TNMD: variants seen among roughly 807,000 people sequenced by gnomAD.
TNMD encodes tenomodulin, also known as BRICHOS domain containing 4.
TNMD carries 15 observed loss-of-function variants against 26.9 expected under a neutral mutation model. The observed-to-expected ratio is 0.56, with a 90% CI of 0.37 to 0.86. The LOEUF (loss-of-function observed/expected upper bound fraction) is 0.86, where lower values mean the gene tolerates loss of function less well. Among genes scored for constraint, TNMD ranks in the 40% least tolerant of loss-of-function variants. The pLI is 0.00. For missense variants in TNMD, 222 were observed against 242.6 expected (o/e 0.92, Z 0.56); for synonymous variants, 73 against 77.0 (o/e 0.95, Z 0.27).
chrX:100,599,229 C>A, intron 6 of TNMD, 47 bp downstream of exon 6: 1 of 1,021,161 alleles, frequency 9.8e-7, no homozygotes, highest in Non-Finnish European at 1.3e-6. Flanking sequence ...AAAAAAGAGC[C>A]CTCACAAAAC....
In TNMD at chrX:100,594,023, C is replaced by T. The variant is rs769192135; in HGVS notation, c.309C>T (p.His103=). The change falls in exon 3 of 7, where the codon CAC becomes CAT. Residue 103 remains histidine (H), a synonymous_variant. Coordinates refer to ENST00000373031, the MANE Select transcript of TNMD (RefSeq NM_022144.3). The part of the protein sequence containing the change: ...GNGTDETLEV[H]DFKNGYTGIY... Reference sequence around the variant, plus strand: ...GCACTGATGAAACATTGGAAGTGCACGACTTTAAAAACGTAAGTTGGATGT... The same window carrying T: ...GCACTGATGAAACATTGGAAGTGCATGACTTTAAAAACGTAAGTTGGATGT... 23 of 1,206,554 alleles carry T rather than the reference C, an allele frequency of 1.9e-5. No individual in the cohort carries two copies. Among genetic ancestry groups the T allele is most frequent in the South Asian group, 3.6e-5 (2 of 56,195 alleles).
At chrX:100,592,171 C>G (rs967730161) in intron 2 of TNMD, among the ~76,000 whole-genome samples, 1 of 111,791 alleles carries the variant, frequency 8.9e-6, no homozygotes, top group Non-Finnish European at 1.9e-5. Context: ...TAACAAAATT[C>G]CCCCGTTGGG....
chrX:100,599,614 T>C lies in TNMD; in HGVS notation c.851T>C (p.Leu284Pro). ...RYCRRVCEPL[L>P]GYYPYPYCYQ... ...TGCCGCCGCGTCTGTGAACCTTTAC[T>C]AGGCTACTACCCATATCCATACTGC... Residue 284 changes from leucine (L) to proline (P), a missense_variant, in exon 7 of 7, where the codon CTA becomes CCA. By Grantham distance (98) the Leu-to-Pro change is moderately conservative. Coordinates refer to ENST00000373031, the MANE Select transcript of TNMD (RefSeq NM_022144.3). 4 of 1,211,677 alleles carry C rather than the reference T, an allele frequency of 3.3e-6. No individual in the cohort carries two copies. The highest frequency in any genetic ancestry group is 3.0e-5 in the East Asian group (1 of 33,835).
intron 6 of TNMD, 64 bp downstream of exon 6, chrX:100,599,246 C>A (rs2082961628): frequency 1.1e-6 from 1 of 921,757 alleles, no homozygotes; most frequent in Non-Finnish European, 1.5e-6. Flanking sequence ...AAACTTACTA[C>A]CCCTCAGATC....
At chrX:100,594,491 TATC>T (rs1284093702) in intron 4 of TNMD, 129 bp downstream of exon 4, 11 of 389,694 alleles carry the variant, frequency 2.8e-5, no homozygotes, top group African/African-American at 2.6e-4. Flanking sequence ...ATACTATTGT[TATC>T]ATCATTTTCA....
At chrX:100,585,505 G>C in intron 2 of TNMD, 143 bp downstream of exon 2, 1 of 706,723 alleles carries the variant, frequency 1.4e-6, no homozygotes, top group Non-Finnish European at 2.0e-6. Flanking sequence ...ACTGAATCAA[G>C]ATTTTTCTCT....
intron 2 of TNMD, chrX:100,593,568 G>A (rs771303844): frequency 1.1e-4 from 21 of 183,112 alleles, no homozygotes; most frequent in Non-Finnish European, 1.6e-4. Context: ...TTTCACGGGT[G>A]AGGGGCGGGG....
chrX:100,589,114 C>T (rs1017433768), intron 2 of TNMD, among the ~76,000 whole-genome samples: 1 of 111,041 alleles, frequency 9.0e-6, no homozygotes, highest in African/African-American at 3.3e-5. Context: ...ACATTTTGTG[C>T]GTGCCTATTT....
At chrX:100,598,286 A>G (rs1455660349) in intron 5 of TNMD, among the ~76,000 whole-genome samples, 1 of 111,224 alleles carries the variant, frequency 9.0e-6, no homozygotes, top group Non-Finnish European at 1.9e-5. Flanking sequence ...AGATTACTCT[A>G]TTACCCAAGA....
Position 100,594,326 on chromosome X carries a change from T to C in TNMD, c.387T>C (p.Ile129=). 8.4e-7 allele frequency: 1 copy of C among 1,195,545 alleles called. No homozygotes were observed. The highest frequency in any genetic ancestry group is 1.1e-6 in the Non-Finnish European group (1 of 885,354). Residue 129 remains isoleucine, a synonymous_variant, in exon 4 of 7, where the codon ATT becomes ATC. Transcript: ENST00000373031. ...KCFIKTQIKV[I]PEFSEPEEEI... ...TTATCAAAACTCAGATTAAAGTGAT[T>C]CCTGAATTTTCTGAACCAGAAGAGG...
In TNMD at chrX:100,599,565, T is replaced by A; in HGVS notation, c.802T>A (p.Tyr268Asn). ...GGATGAGAGAGGTTATTGTTGTATTTACTGCCGTCGAGGCAACCGCTATTG... is the reference window on the plus strand; with the variant it reads ...GGATGAGAGAGGTTATTGTTGTATTAACTGCCGTCGAGGCAACCGCTATTG... ...MLDERGYCCI[Y>N]CRRGNRYCRR... Residue 268 changes from tyrosine (Y) to asparagine (N), a missense_variant, in exon 7 of 7, where the codon TAC (tyrosine) becomes AAC (asparagine). Transcript: ENST00000373031. 1 of 1,210,598 alleles carries A rather than the reference T, an allele frequency of 8.3e-7. No individual in the cohort carries two copies. Among genetic ancestry groups the A allele is most frequent in the Middle Eastern group, 2.3e-4 (1 of 4,352 alleles).
chrX:100,592,720 T>C (rs1326553355), intron 2 of TNMD, among the ~76,000 whole-genome samples: 1 of 112,385 alleles, frequency 8.9e-6, no homozygotes, highest in Non-Finnish European at 1.9e-5. Context: ...TAAACTAACA[T>C]TCAGTCAATG....
chrX:100,596,417 A>T (rs747234135), intron 4 of TNMD, among the ~76,000 whole-genome samples: 2 of 112,274 alleles, frequency 1.8e-5, no homozygotes, highest in Non-Finnish European at 3.8e-5. Flanking sequence ...AGTTAATTTC[A>T]CCAAATATTT....
intron 4 of TNMD, among the ~76,000 whole-genome samples, chrX:100,596,042 G>A (rs956593071): frequency 4.4e-5 from 5 of 112,718 alleles, no homozygotes; most frequent in Non-Finnish European, 7.5e-5. Context: ...AGGCAAAGGA[G>A]GCGGGGCACG....
chrX:100,587,553 G>A (rs927839676), intron 2 of TNMD, among the ~76,000 whole-genome samples: 3 of 111,910 alleles, frequency 2.7e-5, no homozygotes, highest in Non-Finnish European at 5.7e-5. Flanking sequence ...TTCCATTCCA[G>A]TGGGGAGTTA....
Position 100,599,593 on chromosome X carries a change from G to A in TNMD, c.830G>A (p.Arg277His), listed in dbSNP as rs1419459431. The A allele has an allele frequency of 7.4e-6, 9 of 1,210,675 alleles. No homozygotes were observed. The highest frequency in any genetic ancestry group is 2.2e-5 in the Admixed American group (1 of 45,943). The change falls in exon 7 of 7, where the codon CGC becomes CAC. Residue 277 changes from arginine to histidine, a missense_variant. Transcript: ENST00000373031. ...IYCRRGNRYC[R>H]RVCEPLLGYY... is the part of the protein sequence containing the mutation. The stretch of plus-strand genomic sequence containing the variant: ...TGCCGTCGAGGCAACCGCTATTGCC[G>A]CCGCGTCTGTGAACCTTTACTAGGC...
At chrX:100,585,701 G>T (rs914598143) in intron 2 of TNMD, among the ~76,000 whole-genome samples, 1 of 111,925 alleles carries the variant, frequency 8.9e-6, no homozygotes, top group Non-Finnish European at 1.9e-5. Flanking sequence ...AATTATCTGG[G>T]CAGAAACTGA....
At chrX:100,585,096 A>G (rs2082918214) in intron 1 of TNMD, 30 bp downstream of exon 1, 1 of 1,194,794 alleles carries the variant, frequency 8.4e-7, no homozygotes, top group African/African-American at 1.8e-5. Context: ...TTCCCTTTTG[A>G]GCAGAAGCAT....
chrX:100,589,698 G>A (rs1341134436), intron 2 of TNMD, among the ~76,000 whole-genome samples: 3 of 111,670 alleles, frequency 2.7e-5, no homozygotes, highest in Non-Finnish European at 3.8e-5. Flanking sequence ...GGCAGTAGGC[G>A]TAGTCCAGTG....
Sources: allele counts gnomAD v4.1 joint callset (sites outside exome capture counted in the v4.1 genomes callset), GRCh38; gene constraint gnomAD v4.1.1; transcripts MANE v1.5; gene names NCBI Gene and HGNC (gene_info 2026-07-23, HGNC 2026-07-21).